The following TFCP2L1 variants were observed in gnomAD, a reference collection of about 807,000 sequenced individuals.
The protein encoded by TFCP2L1 is transcription factor CP2-like protein 1.
TFCP2L1 carries 12 observed loss-of-function variants against 72.2 expected under a neutral mutation model. The ratio of observed to expected loss-of-function variants is 0.17; its 90% CI spans 0.11 to 0.27. The LOEUF (loss-of-function observed/expected upper bound fraction) is 0.27. TFCP2L1 is among the 10% of genes least tolerant of loss of function. The pLI is 1.00. For missense variants in TFCP2L1, 488 were observed against 624.6 expected (o/e 0.78, Z 2.33); for synonymous variants, 260 against 251.0 (o/e 1.04, Z -0.34).
At chr2:121,248,077 T>C (rs1347354382) in intron 5 of TFCP2L1, 87 bp downstream of exon 5, 1 of 1,127,906 alleles carries the variant, frequency 8.9e-7, no homozygotes. Flanking sequence ...ATCCAGACCC[T>C]CCCAGATGGG....
chr2:121,261,319 C>T (rs11896281), intron 2 of TFCP2L1, among the ~76,000 whole-genome samples: 24,747 of 152,038 alleles, frequency 0.16, 2,267 homozygotes, highest in South Asian at 0.29. Flanking sequence ...ACTGGGGGCT[C>T]CTTAGAGAAA....
intron 2 of TFCP2L1, among the ~76,000 whole-genome samples, chr2:121,265,189 A>G (rs1686904413): frequency 6.6e-6 from 1 of 152,226 alleles, no homozygotes; most frequent in Non-Finnish European, 1.5e-5. Context: ...AGACCCTTAA[A>G]AACATGATGG....
intron 12 of TFCP2L1, among the ~76,000 whole-genome samples, chr2:121,233,627 A>G (rs1327683455): frequency 1.3e-5 from 2 of 152,316 alleles, no homozygotes; most frequent in Admixed American, 1.3e-4. Flanking sequence ...AGCTGCCAGC[A>G]AAAAGAATTA....
intron 2 of TFCP2L1, among the ~76,000 whole-genome samples, chr2:121,273,294 G>C (rs182580623): frequency 6.6e-6 from 1 of 151,862 alleles, no homozygotes; most frequent in East Asian, 1.9e-4. Flanking sequence ...CTGCTCTCCC[G>C]GACTCCTCCT....
chr2:121,282,319 TAAAAAA>T (rs539101704), intron 1 of TFCP2L1, among the ~76,000 whole-genome samples: 5 of 86,256 alleles, frequency 5.8e-5, no homozygotes, highest in African/African-American at 2.2e-4. Flanking sequence ...CTCTCCACAT[TAAAAAA>T]AAAAAAAAAA....
In TFCP2L1 at chr2:121,222,299, T is replaced by C. The variant is rs1299987853; in HGVS notation, c.*2042A>G. On this transcript the variant is annotated 3_prime_UTR_variant, in exon 15 of 15. Transcript: ENST00000263707. ...GTAAGACCTAGCAATTCCACTCCTA[T>C]GTATATTGCTAAAAGAAATGAAAAC... 1.3e-5 allele frequency: 2 copies of C among 152,210 alleles called. No homozygotes were observed. 9.4% of individuals were successfully genotyped at this position (152,210 alleles called of 1,614,324 possible).
In TFCP2L1 at chr2:121,269,316, C is replaced by T. The variant is rs190048685; in HGVS notation, c.214+11804G>A. 9.0e-4 allele frequency among the ~76,000 whole-genome samples: 136 copies of T among 151,724 alleles called. 2 individuals are homozygous for T. Among genetic ancestry groups the T allele is most frequent in the Middle Eastern group, 3.4e-3 (1 of 294 alleles). On this transcript the variant is annotated intron_variant, in intron 2 of 14. Transcript: ENST00000263707. ...TACAAAAATTAGTCAGGCTTGGTGGCGGCCATTTGTAGTACCAGCTACTAG... is the reference window on the plus strand; with the variant it reads ...TACAAAAATTAGTCAGGCTTGGTGGTGGCCATTTGTAGTACCAGCTACTAG...
rs1558733118 is a variant in TFCP2L1, at chr2:121,242,583, G to A, written c.658-114C>T. The A allele has an allele frequency of 3.2e-6, 3 of 934,614 alleles. No individual in the cohort carries two copies. The East Asian group carries it at 7.2e-5, about 22-fold the overall frequency. 57.9% of individuals were successfully genotyped at this position (934,614 alleles called of 1,614,324 possible). On this transcript the variant is annotated intron_variant, in intron 6 of 14. Transcript: ENST00000263707. ...CCCCAGGGCGCAGGGAGGAACTCAGGGGCAGGACAGCACCTATCTCCCCTC... is the reference window on the plus strand; with the variant it reads ...CCCCAGGGCGCAGGGAGGAACTCAGAGGCAGGACAGCACCTATCTCCCCTC...
Position 121,237,820 on chromosome 2 carries a change from G to A in TFCP2L1, c.891C>T (p.Ala297=). The change falls in exon 9 of 15, where the codon GCC becomes GCT. Residue 297 remains alanine (A), a synonymous_variant. Coordinates refer to ENST00000263707, the MANE Select transcript of TFCP2L1 (RefSeq NM_014553.3). The part of the protein sequence containing the change: ...GNASPTHPVE[A]LPVGSDHLLP... ...CACTTACGTCACTGCCCACGGGCAG[G>A]GCCTCCACCGGGTGGGTCGGAGAGG... 6.2e-7 allele frequency: 1 copy of A among 1,614,104 alleles called. No individual in the cohort carries two copies. The highest frequency in any genetic ancestry group is 8.5e-7 in the Non-Finnish European group (1 of 1,180,028).
At chr2:121,246,551 A>G (rs1021089921) in intron 6 of TFCP2L1, among the ~76,000 whole-genome samples, 7 of 152,232 alleles carry the variant, frequency 4.6e-5, no homozygotes, top group Non-Finnish European at 8.8e-5. Context: ...GAGGACCGAC[A>G]GCCAGGACGG....
chr2:121,227,589 G>C (rs1686053932), intron 13 of TFCP2L1, among the ~76,000 whole-genome samples: 1 of 152,092 alleles, frequency 6.6e-6, no homozygotes, highest in South Asian at 2.1e-4. Flanking sequence ...GCTAAGGCAG[G>C]AGAATCGCTT....
intron 13 of TFCP2L1, among the ~76,000 whole-genome samples, chr2:121,230,714 A>C (rs547790754): frequency 4.2e-4 from 64 of 152,248 alleles, no homozygotes; most frequent in Non-Finnish European, 7.9e-4. Flanking sequence ...TGGAGGTTGC[A>C]GTAAGCTGAG....
intron 5 of TFCP2L1, among the ~76,000 whole-genome samples, chr2:121,247,739 C>A (rs939826995): frequency 6.6e-6 from 1 of 152,042 alleles, no homozygotes; most frequent in South Asian, 2.1e-4. Context: ...AAGCCAGAAC[C>A]GCAACCACAA....
chr2:121,228,888 T>C (rs181266482), intron 13 of TFCP2L1, among the ~76,000 whole-genome samples: 1 of 146,174 alleles, frequency 6.8e-6, no homozygotes, highest in Non-Finnish European at 1.5e-5. Flanking sequence ...GATAAATGTA[T>C]GGCTGCGTGT....
At chr2:121,264,087 C>T (rs770092043) in intron 2 of TFCP2L1, among the ~76,000 whole-genome samples, 5 of 152,230 alleles carry the variant, frequency 3.3e-5, no homozygotes, top group Non-Finnish European at 7.3e-5. Flanking sequence ...CTGCCACCTA[C>T]ATAGGCTTGG....
chr2:121,251,366 C>T (rs539703511), intron 2 of TFCP2L1, among the ~76,000 whole-genome samples: 8 of 152,236 alleles, frequency 5.3e-5, no homozygotes, highest in African/African-American at 1.7e-4. Context: ...GACCTTACTT[C>T]GATTTCTCTG....
intron 8 of TFCP2L1, among the ~76,000 whole-genome samples, chr2:121,238,582 A>G (rs1017030401): frequency 1.3e-5 from 2 of 152,128 alleles, no homozygotes; most frequent in African/African-American, 4.8e-5. Context: ...AGACCCTCGC[A>G]GGGCTGATCC....
rs1685942764 is a variant in TFCP2L1 at position 121,222,362 on chromosome 2, G to A, written c.*1979C>T. ...AAAATCTTGTAGAAATATGTTCATA[G>A]CAGCATCATTCAGAGTAGCCAAAAA... is the stretch of plus-strand genomic sequence containing the variant. On this transcript the variant is annotated 3_prime_UTR_variant, in exon 15 of 15. Transcript: ENST00000263707. 1 of 152,202 alleles carries A rather than the reference G, an allele frequency of 6.6e-6. No homozygotes were observed. Among genetic ancestry groups the A allele is most frequent in the Non-Finnish European group, 1.5e-5 (1 of 68,038 alleles). 9.4% of individuals were successfully genotyped at this position (152,202 alleles called of 1,614,324 possible).
intron 12 of TFCP2L1, among the ~76,000 whole-genome samples, chr2:121,233,693 C>G (rs1445519469): frequency 6.6e-6 from 1 of 152,246 alleles, no homozygotes; most frequent in Non-Finnish European, 1.5e-5. Flanking sequence ...TCGGTGGGAG[C>G]AGGAAGGCTG....
Sources: gnomAD v4.1 joint callset for allele counts (sites outside exome capture counted in the v4.1 genomes callset) on GRCh38, gnomAD v4.1.1 for gene constraint, MANE v1.5 for transcripts, NCBI Gene and HGNC (gene_info 2026-07-23, HGNC 2026-07-21) for gene names.